Variants in DLGAP2 observed in about 807,000 individuals in gnomAD.
The protein encoded by DLGAP2 is disks large-associated protein 2.
Under a neutral mutation model 100.3 loss-of-function variants are expected in DLGAP2, and 26 were observed. That is an observed-to-expected ratio of 0.26 (90% CI 0.19 to 0.36). DLGAP2 has a LOEUF of 0.36. Among genes scored for constraint, DLGAP2 ranks in the 10% least tolerant of loss-of-function variants. The pLI is 1.00. For synonymous variants in DLGAP2, 886 were observed against 630.1 expected (o/e 1.41, Z -6.08); for missense variants, 1,858 against 1,453.2 (o/e 1.28, Z -4.53).
intron 1 of DLGAP2, among the ~76,000 whole-genome samples, chr8:744,159 C>G (rs1001394740): frequency 6.6e-6 from 1 of 152,192 alleles, no homozygotes; most frequent in Non-Finnish European, 1.5e-5. Flanking sequence ...TGTCTCTCAT[C>G]TTGTGCGTTG....
intron 3 of DLGAP2, among the ~76,000 whole-genome samples, chr8:1,485,957 G>C (rs1799227005): frequency 6.6e-6 from 1 of 152,172 alleles, no homozygotes; most frequent in South Asian, 2.1e-4. Context: ...AACCCCGGAG[G>C]TGGAGGCTGC....
intron 12 of DLGAP2, among the ~76,000 whole-genome samples, chr8:1,682,672 C>A (rs549784092): frequency 6.6e-6 from 1 of 151,438 alleles, no homozygotes; most frequent in African/African-American, 2.4e-5. Context: ...TGGAGTTTCA[C>A]CATGTTGGCC....
rs149893944 is a variant in DLGAP2, at chr8:1,241,548, C to T, written c.74-17303C>T. 9.3e-4 allele frequency among the ~76,000 whole-genome samples: 141 copies of T among 152,352 alleles called. 5 individuals are homozygous for T. In the South Asian group the frequency reaches 0.014, roughly 15 times the overall value. On this transcript the variant is annotated intron_variant, in intron 2 of 14. Transcript: ENST00000637795. Reference sequence around the variant, plus strand: ...TACAGAGGAAGCAGAACATGTTTCCCATGGGGGCCTTTGATCCAGTTCTCT... The same window carrying T: ...TACAGAGGAAGCAGAACATGTTTCCTATGGGGGCCTTTGATCCAGTTCTCT...
chr8:1,303,411 A>C (rs575821400), intron 3 of DLGAP2, among the ~76,000 whole-genome samples: 238 of 151,326 alleles, frequency 1.6e-3, no homozygotes, highest in Middle Eastern at 6.9e-3. Context: ...ACAAAAAAAA[A>C]AAAAAAAAAA....
chr8:1,078,357 C>A (rs905603646), intron 2 of DLGAP2, among the ~76,000 whole-genome samples: 1 of 152,324 alleles, frequency 6.6e-6, no homozygotes, highest in African/African-American at 2.4e-5. Flanking sequence ...CTGTTAGCGT[C>A]TCACATGAGG....
intron 2 of DLGAP2, among the ~76,000 whole-genome samples, chr8:1,197,501 G>T (rs1266821731): frequency 6.6e-6 from 1 of 152,238 alleles, no homozygotes; most frequent in African/African-American, 2.4e-5. Flanking sequence ...AAGCCACATG[G>T]ATGCGGAGCA....
At chr8:1,183,934 C>A (rs80038430) in intron 2 of DLGAP2, among the ~76,000 whole-genome samples, 2 of 152,068 alleles carry the variant, frequency 1.3e-5, no homozygotes, top group African/African-American at 2.4e-5. Flanking sequence ...TTAATCATTG[C>A]GTGATTATTA....
intron 3 of DLGAP2, among the ~76,000 whole-genome samples, chr8:1,481,044 T>C (rs1054848323): frequency 9.9e-5 from 15 of 151,762 alleles, no homozygotes; most frequent in East Asian, 7.8e-4. Context: ...TGGTGGCGGG[T>C]GCCTGTAGTC....
At chr8:741,048 A>T (rs1271016917) in intron 1 of DLGAP2, among the ~76,000 whole-genome samples, 1 of 152,166 alleles carries the variant, frequency 6.6e-6, no homozygotes, top group African/African-American at 2.4e-5. Flanking sequence ...TTCTTAATCA[A>T]CCGTAGTTTT....
chr8:889,898 A>G (rs1797999343), intron 1 of DLGAP2, among the ~76,000 whole-genome samples: 2 of 152,190 alleles, frequency 1.3e-5, no homozygotes, highest in Non-Finnish European at 2.9e-5. Context: ...TGAGTTTGCA[A>G]GTGGGATCTT....
intron 2 of DLGAP2, among the ~76,000 whole-genome samples, chr8:1,213,439 ATCCTTAATG>A (rs2116792788): frequency 6.6e-6 from 1 of 152,320 alleles, no homozygotes; most frequent in South Asian, 2.1e-4. Flanking sequence ...ATATTACATC[ATCCTTAATG>A]TCCTTAATGT....
intron 2 of DLGAP2, chr8:910,323 C>T (rs1320152623): frequency 2.6e-5 from 4 of 152,198 alleles, no homozygotes; most frequent in African/African-American, 7.2e-5. Flanking sequence ...AACATGGCTG[C>T]TTGTGAAAGA....
chr8:952,466 G>A (rs377162263), intron 2 of DLGAP2, among the ~76,000 whole-genome samples: 3 of 152,030 alleles, frequency 2.0e-5, no homozygotes, highest in African/African-American at 7.2e-5. Context: ...GTGAAACCCC[G>A]TCTCTACTAA....
At chr8:837,861 C>T (rs1161772382) in intron 1 of DLGAP2, among the ~76,000 whole-genome samples, 1 of 149,436 alleles carries the variant, frequency 6.7e-6, no homozygotes, top group South Asian at 2.1e-4. Flanking sequence ...GGATTACAGG[C>T]ATGCATCACC....
At chr8:1,041,008 T>C (rs940062768) in intron 2 of DLGAP2, among the ~76,000 whole-genome samples, 13 of 152,194 alleles carry the variant, frequency 8.5e-5, no homozygotes, top group African/African-American at 3.1e-4. Context: ...CCAAAACCTC[T>C]ACTTTCAGCT....
At chr8:1,265,788 C>G (rs564287915) in intron 3 of DLGAP2, among the ~76,000 whole-genome samples, 2 of 152,144 alleles carry the variant, frequency 1.3e-5, no homozygotes, top group South Asian at 2.1e-4. Flanking sequence ...CTAAGAATTT[C>G]TGAGACAATA....
intron 4 of DLGAP2, among the ~76,000 whole-genome samples, chr8:1,507,895 A>C (rs546220903): frequency 1.1e-3 from 153 of 139,648 alleles, no homozygotes; most frequent in Middle Eastern, 3.5e-3. Context: ...ACCTTCCTGC[A>C]CTGCCCAATG....
intron 2 of DLGAP2, among the ~76,000 whole-genome samples, chr8:1,205,841 T>C (rs1469071335): frequency 1.3e-5 from 2 of 151,752 alleles, no homozygotes; most frequent in Non-Finnish European, 2.9e-5. Context: ...AAATCTGGAG[T>C]AGATATTTTT....
chr8:1,492,649 C>T lies in DLGAP2; in HGVS notation c.107-8717C>T, dbSNP rs558458485. ...CCCCACGAAGAGGTGCCGTGGAGCACGTGACCTGACCCCTCCTCACAGCCG... is the reference window on the plus strand; with the variant it reads ...CCCCACGAAGAGGTGCCGTGGAGCATGTGACCTGACCCCTCCTCACAGCCG... On this transcript the variant is annotated intron_variant, in intron 3 of 14. Coordinates refer to ENST00000637795, the MANE Select transcript of DLGAP2 (RefSeq NM_001346810.2). Among the ~76,000 whole-genome samples, 4 of 152,332 alleles carry T rather than the reference C, an allele frequency of 2.6e-5. No homozygotes were observed. The South Asian group carries it at 8.3e-4, about 32-fold the overall frequency.
Sources: gnomAD v4.1 joint callset for allele counts (sites outside exome capture counted in the v4.1 genomes callset) on GRCh38, gnomAD v4.1.1 for gene constraint, MANE v1.5 for transcripts, NCBI Gene and HGNC (gene_info 2026-07-23, HGNC 2026-07-21) for gene names.